The following MPHOSPH9 variants were observed in gnomAD, a reference collection of about 807,000 sequenced individuals.
The protein encoded by MPHOSPH9 is M-phase phosphoprotein 9.
Under a neutral mutation model 145.5 loss-of-function variants are expected in MPHOSPH9, and 88 were observed. The ratio of observed to expected loss-of-function variants is 0.60; its 90% CI spans 0.51 to 0.72. MPHOSPH9 has a LOEUF of 0.72. Among genes scored for constraint, MPHOSPH9 ranks in the 30% least tolerant of loss-of-function variants. MPHOSPH9 has a pLI of 0.00. For missense variants in MPHOSPH9, 1,238 were observed against 1,386.6 expected (o/e 0.89, Z 1.70); for synonymous variants, 435 against 486.2 (o/e 0.89, Z 1.39).
At position 123,232,238 on chromosome 12, in the gene MPHOSPH9, G is replaced by C. The variant is rs146095378; in HGVS notation, c.-159+837C>G. Among the ~76,000 whole-genome samples the C allele has an allele frequency of 1.2e-3, 182 of 151,968 alleles. 3 individuals are homozygous for C. The East Asian group carries it at 0.027, about 23-fold the overall frequency. On this transcript the variant is annotated intron_variant, in intron 1 of 23. Coordinates refer to ENST00000606320, the MANE Select transcript of MPHOSPH9 (RefSeq NM_022782.4). ...CCCATCTATTATTTCCCCTGCTAAG[G>C]TAATCCGGATCCGGATGCAGATCCA...
At chr12:123,235,175 T>G (rs2047825203), upstream of MPHOSPH9, among the ~76,000 whole-genome samples, 1 of 152,198 alleles carries the variant, frequency 6.6e-6, no homozygotes, top group Admixed American at 6.5e-5. Context: ...ACTTTACATT[T>G]ATGGCAACAT....
chr12:123,174,335 T>C (rs183074771), intron 16 of MPHOSPH9, among the ~76,000 whole-genome samples: 1 of 151,812 alleles, frequency 6.6e-6, no homozygotes, highest in East Asian at 1.9e-4. Context: ...TTTACATCCA[T>C]TCTACAACTT....
rs1316115856 is a variant in MPHOSPH9 at position 123,166,779 on chromosome 12, T to C, written c.2467A>G (p.Thr823Ala). 1 of 1,612,888 alleles carries C rather than the reference T, an allele frequency of 6.2e-7. No individual in the cohort carries two copies. The highest frequency in any genetic ancestry group is 2.2e-5 in the East Asian group (1 of 44,878). The stretch of plus-strand genomic sequence containing the variant: ...CATTTCCGCCTGCTGACGTCTGAAG[T>C]TGCTAGTGTGCTATTAGAATGAAAA... ...VRPSRANTLA[T>A]SDVSRRKWLI... Residue 823 changes from threonine to alanine, a missense_variant, in exon 17 of 24, where the codon ACT (threonine) becomes GCT (alanine). Transcript: ENST00000606320.
intron 12 of MPHOSPH9, among the ~76,000 whole-genome samples, chr12:123,196,269 G>C (rs912438506): frequency 6.6e-6 from 1 of 151,832 alleles, no homozygotes; most frequent in Non-Finnish European, 1.5e-5. Flanking sequence ...AGAATCCCTT[G>C]AACCAGGGAG....
In MPHOSPH9 at chr12:123,206,243, G is replaced by A. The variant is rs188304581; in HGVS notation, c.1195-2868C>T. Among the ~76,000 whole-genome samples, 297 of 150,780 alleles carry A rather than the reference G, an allele frequency of 2.0e-3. 1 individual carries two copies. Among genetic ancestry groups the A allele is most frequent in the Non-Finnish European group, 3.1e-3 (207 of 67,660 alleles). On this transcript the variant is annotated intron_variant, in intron 8 of 23. Coordinates refer to ENST00000606320, the MANE Select transcript of MPHOSPH9 (RefSeq NM_022782.4). The stretch of plus-strand genomic sequence containing the variant: ...GCAGGAGGATTGCTTGAGTCCAGGA[G>A]TTTGAGAGACCAGCTTGGGCAACAT...
intron 13 of MPHOSPH9, among the ~76,000 whole-genome samples, chr12:123,193,844 T>C (rs2045818266): frequency 2.0e-5 from 3 of 151,944 alleles, no homozygotes; most frequent in Admixed American, 2.0e-4. Context: ...TTTTTTAAGT[T>C]GACCTGCTAG....
intron 23 of MPHOSPH9, among the ~76,000 whole-genome samples, chr12:123,157,261 A>C (rs1241280864): frequency 6.6e-6 from 1 of 152,122 alleles, no homozygotes; most frequent in East Asian, 1.9e-4. Context: ...ACATTTCACC[A>C]GAAGAAATGG....
intron 15 of MPHOSPH9, among the ~76,000 whole-genome samples, chr12:123,178,805 T>G (rs2044994433): frequency 6.6e-6 from 1 of 152,224 alleles, no homozygotes; most frequent in Non-Finnish European, 1.5e-5. Context: ...ATTATAGGCG[T>G]GAGCCACTGC....
intron 2 of MPHOSPH9, among the ~76,000 whole-genome samples, chr12:123,228,565 G>T (rs1186738129): frequency 6.6e-6 from 1 of 152,036 alleles, no homozygotes; most frequent in Non-Finnish European, 1.5e-5. Flanking sequence ...GTGCGTGCCT[G>T]TAGTCCCAGC....
chr12:123,182,559 T>C (rs905249489), intron 13 of MPHOSPH9, among the ~76,000 whole-genome samples: 15 of 151,644 alleles, frequency 9.9e-5, no homozygotes, highest in Admixed American at 9.2e-4. Flanking sequence ...TGTATATTAC[T>C]TTTTGCTAAA....
chr12:123,177,583 A>T (rs2044936631), intron 15 of MPHOSPH9, among the ~76,000 whole-genome samples: 1 of 152,126 alleles, frequency 6.6e-6, no homozygotes, highest in Non-Finnish European at 1.5e-5. Context: ...TAAATAGAAA[A>T]ACAGAAAAAC....
At chr12:123,188,548 T>C (rs1343895677) in intron 13 of MPHOSPH9, among the ~76,000 whole-genome samples, 1 of 152,074 alleles carries the variant, frequency 6.6e-6, no homozygotes, top group South Asian at 2.1e-4. Flanking sequence ...TTTGGAATTG[T>C]TTAAAAAATA....
At chr12:123,197,651 AT>A (rs2046023313) in intron 12 of MPHOSPH9, among the ~76,000 whole-genome samples, 1 of 151,970 alleles carries the variant, frequency 6.6e-6, no homozygotes, top group Admixed American at 6.6e-5. Context: ...GCACGGTGGC[AT>A]GCACCTGTAG....
chr12:123,204,508 C>T (rs910918228), intron 8 of MPHOSPH9, among the ~76,000 whole-genome samples: 1 of 152,144 alleles, frequency 6.6e-6, no homozygotes, highest in Admixed American at 6.6e-5. Flanking sequence ...AAGTCCCCCC[C>T]ACCCATCACT....
At chr12:123,184,891 C>A (rs2045368689) in intron 13 of MPHOSPH9, among the ~76,000 whole-genome samples, 1 of 152,144 alleles carries the variant, frequency 6.6e-6, no homozygotes, top group East Asian at 1.9e-4. Context: ...GCAATCTCCA[C>A]TTCTTGGGTT....
chr12:123,186,295 T>A (rs2045444208), intron 13 of MPHOSPH9, among the ~76,000 whole-genome samples: 1 of 151,412 alleles, frequency 6.6e-6, no homozygotes, highest in South Asian at 2.1e-4. Flanking sequence ...AGATACCTAT[T>A]GAGGTATTTA....
chr12:123,224,295 G>A (rs561560535), intron 3 of MPHOSPH9, among the ~76,000 whole-genome samples: 11 of 151,754 alleles, frequency 7.2e-5, no homozygotes, highest in Non-Finnish European at 1.2e-4. Context: ...CACCACACCC[G>A]GCTAATTTTT....
At position 123,203,237 on chromosome 12, in the gene MPHOSPH9, T is replaced by C. The variant is rs1487319340; in HGVS notation, c.1320+13A>G. Reference sequence around the variant, plus strand: ...TTGTTCACGTTCACTCGGCAGAATGTGGACAACTTTACCTCTGGTGGATGA... The same window carrying C: ...TTGTTCACGTTCACTCGGCAGAATGCGGACAACTTTACCTCTGGTGGATGA... On this transcript the variant is annotated intron_variant, in intron 9 of 23. Coordinates refer to ENST00000606320, the MANE Select transcript of MPHOSPH9 (RefSeq NM_022782.4). The C allele has an allele frequency of 6.2e-7, 1 of 1,611,076 alleles. No homozygotes were observed. The highest frequency in any genetic ancestry group is 8.5e-7 in the Non-Finnish European group (1 of 1,179,292).
intron 1 of MPHOSPH9, among the ~76,000 whole-genome samples, chr12:123,239,684 G>C (rs2047900989): frequency 6.6e-6 from 1 of 152,162 alleles, no homozygotes; most frequent in African/African-American, 2.4e-5. Context: ...TTACAGGCGT[G>C]AGCTACCGCG....
Sources: allele counts gnomAD v4.1 joint callset (sites outside exome capture counted in the v4.1 genomes callset), GRCh38; gene constraint gnomAD v4.1.1; transcripts MANE v1.5; gene names NCBI Gene and HGNC (gene_info 2026-07-23, HGNC 2026-07-21).